The following ADAMTS12 variants were observed in gnomAD, a reference collection of about 807,000 sequenced individuals.
The protein encoded by ADAMTS12 is A disintegrin and metalloproteinase with thrombospondin motifs 12.
A neutral mutation model predicts 167.8 loss-of-function variants in ADAMTS12; 118 were observed. That is an observed-to-expected ratio of 0.70 (90% confidence interval 0.61 to 0.82). The LOEUF is 0.82. Ranked by LOEUF, ADAMTS12 falls within the 40% of genes least tolerant of loss-of-function variation. The pLI, the probability that ADAMTS12 is intolerant of heterozygous loss-of-function variation, is 0.00. For missense variants in ADAMTS12, 1,916 were observed against 1,998.8 expected, an observed-to-expected ratio of 0.96 and a Z score of 0.79; for synonymous variants, 704 against 716.9, an observed-to-expected ratio of 0.98 and a Z score of 0.29.
chr5:33,561,000 A>G (rs1745722394), intron 20 of ADAMTS12, 27 bp downstream of exon 20: 1 of 1,612,976 alleles, frequency 6.2e-7, no homozygotes, highest in South Asian at 1.1e-5. Flanking sequence ...CTCTACCTCC[A>G]AGACTCTGCC....
chr5:33,809,644 C>T (rs1472665817), intron 2 of ADAMTS12, among the ~76,000 whole-genome samples: 1 of 152,042 alleles, frequency 6.6e-6, no homozygotes, highest in Non-Finnish European at 1.5e-5. Flanking sequence ...ATCTTGCATT[C>T]CAGCAGGAGG....
rs2111702451 is a variant in ADAMTS12 at position 33,525,261 on chromosome 5, TTA to T, written c.*1925_*1926del. ...AGAGATTGCTATCGGCCAGCAATGTTTATGTTTAAAGGCAGAGAATACAATAA... is the reference window on the plus strand; with the variant it reads ...AGAGATTGCTATCGGCCAGCAATGTTTGTTTAAAGGCAGAGAATACAATAA... On this transcript the variant is annotated 3_prime_UTR_variant, in exon 24 of 24. Transcript: ENST00000504830. The T allele has an allele frequency of 6.6e-6, 1 of 152,358 alleles. No individual in the cohort carries two copies. The highest frequency in any genetic ancestry group is 2.4e-5 in the African/African-American group (1 of 41,576). The allele number at this position is 152,358 out of a possible 1,614,324, so 9.4% of individuals were successfully genotyped here.
At chr5:33,788,954 T>C (rs1746431062) in intron 2 of ADAMTS12, among the ~76,000 whole-genome samples, 1 of 152,192 alleles carries the variant, frequency 6.6e-6, no homozygotes, top group Non-Finnish European at 1.5e-5. Context: ...CAGAGGTTCT[T>C]CCCTTCCCAG....
chr5:33,807,958 T>C (rs191163525), intron 2 of ADAMTS12, among the ~76,000 whole-genome samples: 99 of 152,324 alleles, frequency 6.5e-4, no homozygotes, highest in African/African-American at 2.3e-3. Context: ...TGGGGCAAAC[T>C]GTTTCTCTCA....
At chr5:33,831,166 T>C (rs1397242755) in intron 2 of ADAMTS12, among the ~76,000 whole-genome samples, 1 of 152,202 alleles carries the variant, frequency 6.6e-6, no homozygotes, top group East Asian at 1.9e-4. Context: ...ATGTAAGGCA[T>C]ATTTACTATG....
intron 22 of ADAMTS12, among the ~76,000 whole-genome samples, chr5:33,543,262 G>C (rs1440717077): frequency 1.3e-5 from 2 of 152,120 alleles, no homozygotes; most frequent in African/African-American, 4.8e-5. Context: ...GGAAAACCCA[G>C]ATAAAATGGA....
At chr5:33,644,510 A>G (rs950114862) in intron 9 of ADAMTS12, among the ~76,000 whole-genome samples, 1 of 152,170 alleles carries the variant, frequency 6.6e-6, no homozygotes, top group Admixed American at 6.5e-5. Flanking sequence ...TCCAGAAGTT[A>G]TATTTATTCT....
intron 2 of ADAMTS12, among the ~76,000 whole-genome samples, chr5:33,864,969 C>G (rs1277875148): frequency 9.2e-5 from 14 of 151,784 alleles, no homozygotes; most frequent in Non-Finnish European, 4.4e-5. Context: ...GCACACGTAT[C>G]CCAGAACTTA....
rs68042107 is a variant in ADAMTS12, at chr5:33,597,683, AT to A, written c.2528-1624del. 0.024 allele frequency among the ~76,000 whole-genome samples: 3,683 copies of A among 150,338 alleles called. 248 individuals carry two copies. In the East Asian group the frequency reaches 0.25, roughly 10 times the overall value. ...TAAGTAAATCCTTTAAAAAAGAACA[AT>A]TTTTTTTTTTTGAGAAAATTCTGTT... On this transcript the variant is annotated intron_variant, in intron 16 of 23. Coordinates refer to ENST00000504830, the MANE Select transcript of ADAMTS12 (RefSeq NM_030955.4).
chr5:33,574,528 A>T (rs1161126203), intron 19 of ADAMTS12, among the ~76,000 whole-genome samples: 2 of 149,448 alleles, frequency 1.3e-5, no homozygotes, highest in Non-Finnish European at 3.0e-5. Flanking sequence ...GTTCTCACTC[A>T]TAGATGGGAA....
Position 33,613,260 on chromosome 5 carries a change from G to A in ADAMTS12, c.2527+978C>T, listed in dbSNP as rs533651828. Among the ~76,000 whole-genome samples, 4 of 152,340 alleles carry A rather than the reference G, an allele frequency of 2.6e-5. No individual in the cohort carries two copies. The East Asian group carries it at 5.8e-4, about 22-fold the overall frequency. ...ACCCAAAGGAGAAAGAGAGGTAGAGGCTTTTGCATATGGCAATATTACTAA... is the reference window on the plus strand; with the variant it reads ...ACCCAAAGGAGAAAGAGAGGTAGAGACTTTTGCATATGGCAATATTACTAA... On this transcript the variant is annotated intron_variant, in intron 16 of 23. Transcript: ENST00000504830.
chr5:33,849,594 ATGTATTGCATAGCAATATATATG>A, intron 2 of ADAMTS12, among the ~76,000 whole-genome samples: 1 of 63,244 alleles, frequency 1.6e-5, no homozygotes, highest in South Asian at 5.5e-4. Context: ...CAATACACAT[ATGTATTGCATAGCAATATATATG>A]TATTGCATAG....
At chr5:33,556,585 T>C (rs154230) in intron 20 of ADAMTS12, among the ~76,000 whole-genome samples, 101,252 of 152,068 alleles carry the variant, frequency 0.67, 34,790 homozygotes, top group African/African-American at 0.84. Flanking sequence ...GTTATCACAG[T>C]CATGGAGCCA....
At chr5:33,757,189 C>G (rs1745198266) in intron 2 of ADAMTS12, among the ~76,000 whole-genome samples, 1 of 152,122 alleles carries the variant, frequency 6.6e-6, no homozygotes, top group African/African-American at 2.4e-5. Context: ...AAAATGTGAC[C>G]TACTTCACTA....
intron 2 of ADAMTS12, among the ~76,000 whole-genome samples, chr5:33,796,058 G>A (rs982086814): frequency 7.2e-5 from 11 of 152,290 alleles, no homozygotes; most frequent in African/African-American, 2.2e-4. Flanking sequence ...TGTTGCCTGT[G>A]GCATTGTTTG....
intron 1 of ADAMTS12, among the ~76,000 whole-genome samples, chr5:33,884,404 T>C (rs905531191): frequency 1.3e-5 from 2 of 152,188 alleles, no homozygotes; most frequent in African/African-American, 4.8e-5. Context: ...ATCAGGCCAC[T>C]CCTGGCCGTG....
At chr5:33,835,772 G>C (rs546297579) in intron 2 of ADAMTS12, among the ~76,000 whole-genome samples, 148 of 152,166 alleles carry the variant, frequency 9.7e-4, no homozygotes, top group African/African-American at 3.5e-3. Context: ...AGCAATTATT[G>C]TCCCCATTTT....
At chr5:33,688,956 T>C (rs1742452002) in intron 3 of ADAMTS12, among the ~76,000 whole-genome samples, 1 of 152,160 alleles carries the variant, frequency 6.6e-6, no homozygotes, top group Admixed American at 6.5e-5. Context: ...TCCCCCAAGA[T>C]GACCTTCTCA....
At chr5:33,844,068 A>G (rs1748850005) in intron 2 of ADAMTS12, among the ~76,000 whole-genome samples, 2 of 152,012 alleles carry the variant, frequency 1.3e-5, no homozygotes, top group Admixed American at 6.6e-5. Context: ...GACACTTATC[A>G]CTTCCCCAAT....
Sources: gnomAD v4.1 joint callset for allele counts (sites outside exome capture counted in the v4.1 genomes callset) on GRCh38, gnomAD v4.1.1 for gene constraint, MANE v1.5 for transcripts, NCBI Gene and HGNC (gene_info 2026-07-23, HGNC 2026-07-21) for gene names.